Variants in GREB1 observed in about 807,000 individuals in gnomAD.
GREB1 encodes the protein protein GREB1.
Under a neutral mutation model 200.7 loss-of-function variants are expected in GREB1, and 106 were observed. The ratio of observed to expected loss-of-function variants is 0.53; its 90% confidence interval spans 0.45 to 0.62. The LOEUF is 0.62. Among genes scored for constraint, GREB1 ranks in the 20% least tolerant of loss-of-function variants. The pLI, the probability that GREB1 is intolerant of heterozygous loss-of-function variation, is 0.00. For missense variants in GREB1, 2,243 were observed against 2,556.8 expected, an observed-to-expected ratio of 0.88 and a Z score of 2.65; for synonymous variants, 1,132 against 1,092.4, an observed-to-expected ratio of 1.04 and a Z score of -0.72.
At chr2:11,591,445 G>GA in intron 10 of GREB1, 1 of 720,932 alleles carries the variant, frequency 1.4e-6, no homozygotes, top group South Asian at 1.5e-5. Context: ...TCATAAAAGA[G>GA]AAAATACCAG....
In GREB1 at chr2:11,626,950, A is replaced by G. The variant is rs1684509568; in HGVS notation, c.4307-12A>G. The G allele has an allele frequency of 6.2e-6, 10 of 1,613,828 alleles. No homozygotes were observed. The highest frequency in any genetic ancestry group is 8.5e-6 in the Non-Finnish European group (10 of 1,179,932). ...TCCCTGCTGCTTTTTAATCCTGGGGAATTTGGTGCAGACAGAGGGATGTCC... is the reference window on the plus strand; with the variant it reads ...TCCCTGCTGCTTTTTAATCCTGGGGGATTTGGTGCAGACAGAGGGATGTCC... On this transcript the variant is annotated splice_polypyrimidine_tract_variant and intron_variant, in intron 24 of 32. Transcript: ENST00000381486.
intron 9 of GREB1, among the ~76,000 whole-genome samples, chr2:11,587,081 C>T (rs1335261475): frequency 1.3e-5 from 2 of 152,316 alleles, no homozygotes; most frequent in South Asian, 2.1e-4. Flanking sequence ...ACGTCTCACA[C>T]GAGCAATCTC....
intron 1 of GREB1, among the ~76,000 whole-genome samples, chr2:11,536,533 G>A (rs182390871): frequency 7.4e-4 from 113 of 152,320 alleles, no homozygotes; most frequent in African/African-American, 2.6e-3. Context: ...GCCAAAAAGT[G>A]CCAAACTGTG....
chr2:11,571,164 A>G (rs756772262), intron 4 of GREB1, among the ~76,000 whole-genome samples: 3 of 152,072 alleles, frequency 2.0e-5, no homozygotes, highest in Non-Finnish European at 4.4e-5. Flanking sequence ...ATGGCACACA[A>G]TGAGCCAAAG....
intron 4 of GREB1, among the ~76,000 whole-genome samples, chr2:11,575,428 T>A (rs1678750958): frequency 6.6e-6 from 1 of 152,218 alleles, no homozygotes; most frequent in Admixed American, 6.5e-5. Context: ...GCACATTCTC[T>A]GGATTTTAAT....
chr2:11,500,969 A>T (rs914440098), intron 1 of GREB1, among the ~76,000 whole-genome samples: 3 of 151,974 alleles, frequency 2.0e-5, no homozygotes, highest in African/African-American at 7.3e-5. Flanking sequence ...ACACCATTTC[A>T]CTCCCCAGTT....
At chr2:11,507,855 G>A (rs538877526) in intron 1 of GREB1, among the ~76,000 whole-genome samples, 1 of 152,318 alleles carries the variant, frequency 6.6e-6, no homozygotes, top group East Asian at 1.9e-4. Context: ...CATAGGCCTT[G>A]GAGTGGGTGA....
chr2:11,523,037 C>G (rs1445729944), intron 1 of GREB1, among the ~76,000 whole-genome samples: 1 of 152,186 alleles, frequency 6.6e-6, no homozygotes, highest in East Asian at 1.9e-4. Flanking sequence ...CCATGGAATA[C>G]TATGCAGCCA....
Position 11,585,844 on chromosome 2 carries a change from A to T in GREB1, c.1098A>T (p.Glu366Asp). ...CCTTTCCAGTGGTGGCCTCTGGAGAACCAGTGTCTGTTCCTGACAACTTGC... is the reference window on the plus strand; with the variant it reads ...CCTTTCCAGTGGTGGCCTCTGGAGATCCAGTGTCTGTTCCTGACAACTTGC... ...SVTFPVVASG[E>D]PVSVPDNLLK... is the part of the protein sequence containing the mutation. The change falls in exon 9 of 33, where the codon GAA (glutamate) becomes GAT (aspartate). Residue 366 changes from glutamate to aspartate, a missense_variant. This residue lies in a region of GREB1 where 1,178 missense variants were observed against 1,387.4 expected (regional missense o/e 0.85). Coordinates refer to ENST00000381486, the MANE Select transcript of GREB1 (RefSeq NM_014668.4). The T allele has an allele frequency of 2.5e-6, 4 of 1,613,904 alleles. No individual in the cohort carries two copies. Among genetic ancestry groups the T allele is most frequent in the East Asian group, 2.2e-5 (1 of 44,882 alleles).
At chr2:11,603,048 C>T (rs1323561010) in intron 17 of GREB1, among the ~76,000 whole-genome samples, 1 of 152,110 alleles carries the variant, frequency 6.6e-6, no homozygotes, top group Non-Finnish European at 1.5e-5. Context: ...TTGGAGAGGC[C>T]CCATAGCTTT....
intron 1 of GREB1, among the ~76,000 whole-genome samples, chr2:11,497,858 A>G (rs1672928462): frequency 6.6e-6 from 1 of 151,926 alleles, no homozygotes; most frequent in African/African-American, 2.4e-5. Context: ...AAAGTTTTAA[A>G]ATATATATAT....
chr2:11,492,864 A>G lies in GREB1; in HGVS notation c.-159+10483A>G, dbSNP rs1004378213. Reference sequence around the variant, plus strand: ...TACCCACAGAGGGTGTGCCCTAGGAAAATGGCTCCTTATCTGCTGGGGGCT... The same window carrying G: ...TACCCACAGAGGGTGTGCCCTAGGAGAATGGCTCCTTATCTGCTGGGGGCT... On this transcript the variant is annotated intron_variant, in intron 1 of 2. Transcript: ENST00000628795. The surrounding 1 kb of genome is among the most constrained non-coding windows in gnomAD (Gnocchi z 4.0). Among the ~76,000 whole-genome samples, 1 of 152,182 alleles carries G rather than the reference A, an allele frequency of 6.6e-6. No homozygotes were observed. Among genetic ancestry groups the G allele is most frequent in the Admixed American group, 6.5e-5 (1 of 15,282 alleles).
chr2:11,606,523 G>A (rs918109830), intron 17 of GREB1, among the ~76,000 whole-genome samples: 1 of 151,856 alleles, frequency 6.6e-6, no homozygotes, highest in African/African-American at 2.4e-5. Context: ...ATTTTCAAAC[G>A]ACCCAAAGAA....
chr2:11,516,145 A>T (rs1043847383), intron 1 of GREB1, among the ~76,000 whole-genome samples: 1 of 151,916 alleles, frequency 6.6e-6, no homozygotes, highest in East Asian at 1.9e-4. Context: ...CTTGGACATC[A>T]CTCTGCTTGC....
chr2:11,584,044 C>T (rs921197831), intron 7 of GREB1, among the ~76,000 whole-genome samples: 9 of 152,064 alleles, frequency 5.9e-5, no homozygotes, highest in East Asian at 1.9e-4. Context: ...TTTCTCCACC[C>T]GGGCTGTGCG....
chr2:11,598,015 A>C, intron 14 of GREB1, 37 bp downstream of exon 14: 1 of 1,495,222 alleles, frequency 6.7e-7, no homozygotes, highest in Non-Finnish European at 9.3e-7. Flanking sequence ...CGTGTGGAGA[A>C]GCTTTGATCT....
At chr2:11,525,495 T>C (rs1261162856) in intron 1 of GREB1, among the ~76,000 whole-genome samples, 4 of 88,596 alleles carry the variant, frequency 4.5e-5, no homozygotes, top group South Asian at 3.7e-4. Context: ...AGACTCCATC[T>C]CAAAAAAAAA....
At chr2:11,618,120 C>T (rs887048538) in intron 21 of GREB1, among the ~76,000 whole-genome samples, 168 bp from the exon 22 acceptor site, 8 of 151,790 alleles carry the variant, frequency 5.3e-5, no homozygotes, top group South Asian at 2.1e-4. Flanking sequence ...TGGGACGAGT[C>T]GCCCCTGAGA....
intron 1 of GREB1, among the ~76,000 whole-genome samples, chr2:11,507,225 G>A (rs1385034008): frequency 6.6e-6 from 1 of 151,992 alleles, no homozygotes; most frequent in African/African-American, 2.4e-5. Context: ...CCTGGCCAAC[G>A]TGGCGAAACC....
Sources: allele counts gnomAD v4.1 joint callset (sites outside exome capture counted in the v4.1 genomes callset), GRCh38; gene constraint gnomAD v4.1.1; regional missense constraint gnomAD v4.1.1; non-coding constraint Gnocchi (gnomAD v3.1); transcripts MANE v1.5; gene names NCBI Gene and HGNC (gene_info 2026-07-23, HGNC 2026-07-21).